The following CLDN16 variants were observed in gnomAD, a reference collection of about 807,000 sequenced individuals.
CLDN16 encodes the protein claudin 16.
In CLDN16, 13 loss-of-function variants were observed where a neutral mutation model predicts 24.6. That is an observed-to-expected ratio of 0.53 (90% CI 0.34 to 0.84). The LOEUF is 0.84. CLDN16 is among the 40% of genes least tolerant of loss of function. The probability of loss-of-function intolerance (pLI) is 0.01; values close to 1 mark genes in which losing one functional copy is unlikely to be tolerated. For missense variants in CLDN16, 298 were observed against 292.7 expected (o/e 1.02, Z -0.13); for synonymous variants, 116 against 106.7 (o/e 1.09, Z -0.54).
chr3:190,365,998 CA>C (rs1368138275), intron 1 of CLDN16, among the ~76,000 whole-genome samples: 2 of 151,828 alleles, frequency 1.3e-5, no homozygotes, highest in African/African-American at 2.4e-5. Flanking sequence ...CTCTTACAAC[CA>C]GAGAGGATTC....
chr3:190,368,854 C>T (rs895869031), intron 1 of CLDN16, among the ~76,000 whole-genome samples: 2 of 151,912 alleles, frequency 1.3e-5, no homozygotes, highest in African/African-American at 4.8e-5. Context: ...TAGCCAAACC[C>T]TTTTATTGTT....
At chr3:190,292,107 C>T in the CLDN16 span, among the ~76,000 whole-genome samples, 10 of 152,192 alleles carry the variant, frequency 6.6e-5, no homozygotes, top group African/African-American at 2.4e-4. Flanking sequence ...TGTGTGGGGC[C>T]TCCAACCCCA....
At chr3:190,312,781 T>G in the CLDN16 span, 2 of 1,466,752 alleles carry the variant, frequency 1.4e-6, no homozygotes, top group East Asian at 4.5e-5. Context: ...CCTTAGAGAC[T>G]GAAATCAAGT....
upstream of CLDN16, among the ~76,000 whole-genome samples, chr3:190,386,174 A>C (rs1718493029): frequency 6.6e-6 from 1 of 152,194 alleles, no homozygotes; most frequent in Non-Finnish European, 1.5e-5. Flanking sequence ...ATAGCATTTC[A>C]GATTTTAGGG....
chr3:190,393,228 G>A (rs143721561), intron 1 of CLDN16, among the ~76,000 whole-genome samples: 1 of 152,178 alleles, frequency 6.6e-6, no homozygotes, highest in African/African-American at 2.4e-5. Flanking sequence ...ATGAAAATTA[G>A]TATCTATACA....
At chr3:190,332,438 A>G (rs1717202052) in intron 1 of CLDN16, among the ~76,000 whole-genome samples, 1 of 152,180 alleles carries the variant, frequency 6.6e-6, no homozygotes, top group Non-Finnish European at 1.5e-5. Flanking sequence ...AGAGACATTA[A>G]TAACACCTTA....
chr3:190,356,151 T>A (rs1449200426), intron 1 of CLDN16, among the ~76,000 whole-genome samples: 1 of 151,500 alleles, frequency 6.6e-6, no homozygotes, highest in Non-Finnish European at 1.5e-5. Flanking sequence ...GCATATACAA[T>A]TTTTTTTCAG....
At chr3:190,372,794 C>CA (rs1718169483) in intron 2 of CLDN16, among the ~76,000 whole-genome samples, 1 of 151,884 alleles carries the variant, frequency 6.6e-6, no homozygotes, top group Non-Finnish European at 1.5e-5. Context: ...AGTCATTTGT[C>CA]AAAGGCCTTC....
At chr3:190,310,874 C>A in the CLDN16 span, among the ~76,000 whole-genome samples, 1 of 152,296 alleles carries the variant, frequency 6.6e-6, no homozygotes, top group African/African-American at 2.4e-5. Context: ...CTCAATTTCC[C>A]ATGGCATTTT....
Position 190,411,087 on chromosome 3 carries a change from C to T in CLDN16, c.*1051C>T, listed in dbSNP as rs1252767381. On this transcript the variant is annotated 3_prime_UTR_variant, in exon 5 of 5. Transcript: ENST00000264734. ...ACCATCCTGGCTAACATGGTGAAAC[C>T]CTGTCTCTACTAAAAATACAAAAAT... 1 of 152,076 alleles carries T rather than the reference C, an allele frequency of 6.6e-6. No homozygotes were observed. The highest frequency in any genetic ancestry group is 1.5e-5 in the Non-Finnish European group (1 of 68,070). The allele number at this position is 152,076 out of a possible 1,614,324, so 9.4% of individuals were successfully genotyped here.
the CLDN16 span, among the ~76,000 whole-genome samples, chr3:190,296,133 T>C: frequency 1.3e-5 from 2 of 152,246 alleles, no homozygotes; most frequent in African/African-American, 4.8e-5. Context: ...TGAGCTTTAC[T>C]ATGTGATAGG....
chr3:190,329,862 T>A (rs1717144892), intron 1 of CLDN16, among the ~76,000 whole-genome samples: 2 of 152,052 alleles, frequency 1.3e-5, no homozygotes. Context: ...GTTAGAAGGA[T>A]GTTAGTATTA....
At chr3:190,371,759 C>G (rs1003993922) in intron 2 of CLDN16, among the ~76,000 whole-genome samples, 38 of 151,976 alleles carry the variant, frequency 2.5e-4, no homozygotes, top group African/African-American at 8.9e-4. Flanking sequence ...TCCAATTCAA[C>G]TGGCAGCTGG....
the CLDN16 span, among the ~76,000 whole-genome samples, chr3:190,313,607 G>C: frequency 0.048 from 7,300 of 152,234 alleles, 568 homozygotes; most frequent in African/African-American, 0.16. Flanking sequence ...AATAGGAGGA[G>C]TGGGGAAGAA....
intron 1 of CLDN16, among the ~76,000 whole-genome samples, chr3:190,353,313 C>A (rs1272024275): frequency 6.6e-6 from 1 of 152,078 alleles, no homozygotes; most frequent in African/African-American, 2.4e-5. Flanking sequence ...CTACTTTCCA[C>A]ACCATACCAA....
chr3:190,295,686 C>T, the CLDN16 span, among the ~76,000 whole-genome samples: 1 of 152,022 alleles, frequency 6.6e-6, no homozygotes. Flanking sequence ...TGAGTTTGGG[C>T]AAAACTCTTC....
At chr3:190,297,827 A>T in the CLDN16 span, among the ~76,000 whole-genome samples, 1 of 150,926 alleles carries the variant, frequency 6.6e-6, no homozygotes, top group Admixed American at 6.6e-5. Flanking sequence ...TTTACAAAGG[A>T]CATTCACATA....
chr3:190,350,881 C>T (rs747141149), intron 1 of CLDN16, among the ~76,000 whole-genome samples: 3 of 152,254 alleles, frequency 2.0e-5, no homozygotes, highest in Admixed American at 6.5e-5. Context: ...AATCTTTCCT[C>T]GCAGTCTTCT....
chr3:190,322,336 G>A, upstream of CLDN16: 5 of 831,780 alleles, frequency 6.0e-6, no homozygotes, highest in Non-Finnish European at 9.8e-6. Context: ...AGCCCTGCTC[G>A]CTGCGCCGCC....
Sources: allele counts gnomAD v4.1 joint callset (sites outside exome capture counted in the v4.1 genomes callset), GRCh38; gene constraint gnomAD v4.1.1; transcripts MANE v1.5; gene names NCBI Gene and HGNC (gene_info 2026-07-23, HGNC 2026-07-21).